The following SLC35G2 variants were observed in gnomAD, a reference collection of about 807,000 sequenced individuals.
SLC35G2 encodes transmembrane protein 22.
A neutral mutation model predicts 27.2 loss-of-function variants in SLC35G2; 20 were observed. The ratio of observed to expected loss-of-function variants is 0.74; its 90% confidence interval spans 0.52 to 1.07. The LOEUF (loss-of-function observed/expected upper bound fraction) is 1.07, where lower values mean the gene tolerates loss of function less well. Ranked by LOEUF, SLC35G2 falls within the 50% of genes least tolerant of loss-of-function variation. The pLI is 0.00. For synonymous variants in SLC35G2, 148 were observed against 165.3 expected (o/e 0.90, Z 0.80); for missense variants, 416 against 493.3 (o/e 0.84, Z 1.48).
chr3:136,853,055 C>A (rs1937751526), intron 1 of SLC35G2, among the ~76,000 whole-genome samples: 1 of 152,038 alleles, frequency 6.6e-6, no homozygotes, highest in Non-Finnish European at 1.5e-5. Context: ...ACAGTAAGTT[C>A]AACTTTTTTT....
At chr3:136,837,299 T>TC (rs1461771816) in intron 1 of SLC35G2, 2 of 152,170 alleles carry the variant, frequency 1.3e-5, no homozygotes, top group East Asian at 3.8e-4. Context: ...CAGTTTTCCT[T>TC]CCAACAGAAG....
Position 136,820,231 on chromosome 3 carries a change from AGAGGGCTGGGGGTAGCTCCG to A in SLC35G2, c.-19+608_-19+627del, listed in dbSNP as rs1295893758. On this transcript the variant is annotated intron_variant, in intron 1 of 1. Transcript: ENST00000446465. ...GGTCCAGAGGGCTGGGGGTAGGTCCAGAGGGCTGGGGGTAGCTCCGGAGGAGCGATCTTCCTCCGCGGGAA... is the reference window on the plus strand; with the variant it reads ...GGTCCAGAGGGCTGGGGGTAGGTCCAGAGGAGCGATCTTCCTCCGCGGGAA... The A allele has an allele frequency of 2.6e-5, 4 of 152,406 alleles. No individual in the cohort carries two copies. In the East Asian group the frequency reaches 7.7e-4, roughly 29 times the overall value. 9.4% of individuals were successfully genotyped at this position (152,406 alleles called of 1,614,324 possible). A position where few individuals can be genotyped will look rare whatever the true frequency, so the allele number is the denominator to read the frequency against.
chr3:136,854,804 A>G lies in SLC35G2; in HGVS notation c.344A>G (p.His115Arg). 5 of 1,614,164 alleles carry G rather than the reference A, an allele frequency of 3.1e-6. No homozygotes were observed. Among genetic ancestry groups the G allele is most frequent in the Non-Finnish European group, 4.2e-6 (5 of 1,180,022 alleles). Residue 115 changes from histidine to arginine, a missense_variant, in exon 2 of 2, where the codon CAT becomes CGT. His to Arg is a conservative substitution (Grantham distance 29). Coordinates refer to ENST00000446465, the MANE Select transcript of SLC35G2 (RefSeq NM_025246.3). ...GTGCTGTTTGGATCTGCTTTGGCTC[A>G]TGGATGTGTAGCTCTTATCACTAGG... ...WIVLFGSALAHGCVALITRLV... is the reference protein window; with the variant it reads ...WIVLFGSALARGCVALITRLV...
chr3:136,840,563 C>T (rs1937045883), intron 1 of SLC35G2, among the ~76,000 whole-genome samples: 1 of 145,216 alleles, frequency 6.9e-6, no homozygotes, highest in Admixed American at 7.0e-5. Flanking sequence ...CTCTTTTTCT[C>T]TCTTTTCCTT....
chr3:136,830,010 C>G (rs142080369), intron 1 of SLC35G2, among the ~76,000 whole-genome samples: 1 of 151,948 alleles, frequency 6.6e-6, no homozygotes, highest in Admixed American at 6.6e-5. Flanking sequence ...AAACTTTCTA[C>G]CTCTATCTCT....
Position 136,855,162 on chromosome 3 carries a change from T to C in SLC35G2, c.702T>C (p.Cys234=), listed in dbSNP as rs1649969122. Residue 234 remains cysteine, a synonymous_variant, in exon 2 of 2, where the codon TGT becomes TGC. Transcript: ENST00000446465. ...TTGTTTGCAGCATCTTAGGTGTTTG[T>C]CTTGTCATGATCCCAAACATTGTTG... ...ATVVCSILGV[C]LVMIPNIVDE... 3 of 1,614,180 alleles carry C rather than the reference T, an allele frequency of 1.9e-6. No individual in the cohort carries two copies. The highest frequency in any genetic ancestry group is 2.5e-6 in the Non-Finnish European group (3 of 1,180,030).
chr3:136,836,687 C>T (rs758390170), intron 1 of SLC35G2, among the ~76,000 whole-genome samples: 4 of 151,926 alleles, frequency 2.6e-5, no homozygotes, highest in Middle Eastern at 3.2e-3. Flanking sequence ...CTCTACCTGC[C>T]AAGAACCACA....
At chr3:136,844,484 G>A (rs1206999817) in intron 1 of SLC35G2, among the ~76,000 whole-genome samples, 3 of 139,096 alleles carry the variant, frequency 2.2e-5, no homozygotes, top group East Asian at 2.1e-4. Context: ...GCGAGACTCC[G>A]TCTCAAAAAA....
At chr3:136,847,989 A>G (rs1001409024) in intron 1 of SLC35G2, among the ~76,000 whole-genome samples, 1 of 152,166 alleles carries the variant, frequency 6.6e-6, no homozygotes, top group Non-Finnish European at 1.5e-5. Flanking sequence ...AACAAACAAA[A>G]ACAAAACAAA....
At chr3:136,829,510 G>A (rs543584887) in intron 1 of SLC35G2, among the ~76,000 whole-genome samples, 10 of 152,162 alleles carry the variant, frequency 6.6e-5, no homozygotes, top group East Asian at 5.8e-4. Context: ...GTGAGCCACC[G>A]CACCTGGACT....
chr3:136,820,967 TATAA>T (rs1936442683), intron 1 of SLC35G2, among the ~76,000 whole-genome samples: 1 of 132,952 alleles, frequency 7.5e-6, no homozygotes, highest in Admixed American at 7.9e-5. Flanking sequence ...AAGAACAACA[TATAA>T]ATAATCATAG....
chr3:136,830,136 G>C (rs551933110), intron 1 of SLC35G2, among the ~76,000 whole-genome samples: 1 of 119,402 alleles, frequency 8.4e-6, no homozygotes, highest in Non-Finnish European at 1.6e-5. Flanking sequence ...TTGAGACGGA[G>C]TCTCCCTCTG....
intron 1 of SLC35G2, chr3:136,820,600 T>C (rs1159856064): frequency 6.6e-6 from 1 of 152,334 alleles, no homozygotes; most frequent in South Asian, 2.1e-4. Flanking sequence ...CATATACTTA[T>C]GAAAGATACA....
intron 1 of SLC35G2, among the ~76,000 whole-genome samples, chr3:136,823,346 C>G (rs1469498407): frequency 6.6e-6 from 1 of 152,126 alleles, no homozygotes; most frequent in African/African-American, 2.4e-5. Context: ...AATATTTTCT[C>G]CCATTCTGTG....
intron 1 of SLC35G2, among the ~76,000 whole-genome samples, chr3:136,840,923 CTTTTTTTTTTT>C (rs71626030): frequency 1.6e-5 from 2 of 121,536 alleles, no homozygotes; most frequent in South Asian, 2.7e-4. Flanking sequence ...GTGCCTGGCC[CTTTTTTTTTTT>C]TTTTTTTTTC....
chr3:136,852,497 C>CTTT (rs750307553), intron 1 of SLC35G2, among the ~76,000 whole-genome samples: 1 of 142,374 alleles, frequency 7.0e-6, no homozygotes, highest in African/African-American at 2.6e-5. Flanking sequence ...TTTTCTTTTT[C>CTTT]TTTTTTTTTT....
Position 136,855,201 on chromosome 3 carries a change from T to C in SLC35G2, c.741T>C (p.Ser247=), listed in dbSNP as rs1937938926. 6.2e-7 allele frequency: 1 copy of C among 1,614,214 alleles called. No individual in the cohort carries two copies. Among genetic ancestry groups the C allele is most frequent in the Non-Finnish European group, 8.5e-7 (1 of 1,180,026 alleles). ...MIPNIVDEDN[S]LLNAWKEAFG... is the part of the protein sequence containing the mutation. ...CAAACATTGTTGATGAAGACAATTC[T>C]TTGTTAAATGCCTGGAAAGAAGCCT... Residue 247 remains serine (S), a synonymous_variant, in exon 2 of 2, where the codon TCT becomes TCC. Coordinates refer to ENST00000446465, the MANE Select transcript of SLC35G2 (RefSeq NM_025246.3).
At chr3:136,852,112 C>G (rs1034901381) in intron 1 of SLC35G2, among the ~76,000 whole-genome samples, 6 of 152,124 alleles carry the variant, frequency 3.9e-5, no homozygotes, top group Non-Finnish European at 5.9e-5. Context: ...GGAAAAAAAT[C>G]TATTTGGGAG....
intron 1 of SLC35G2, among the ~76,000 whole-genome samples, chr3:136,837,141 A>C (rs1936895384): frequency 6.7e-6 from 1 of 150,334 alleles, no homozygotes; most frequent in South Asian, 2.1e-4. Flanking sequence ...CTACACACAC[A>C]CAACACACAC....
Sources: allele counts gnomAD v4.1 joint callset (sites outside exome capture counted in the v4.1 genomes callset), GRCh38; gene constraint gnomAD v4.1.1; transcripts MANE v1.5; gene names NCBI Gene and HGNC (gene_info 2026-07-23, HGNC 2026-07-21).